Variants in DLGAP2 observed in about 807,000 individuals in gnomAD.
DLGAP2 encodes disks large-associated protein 2.
A neutral mutation model predicts 100.3 loss-of-function variants in DLGAP2; 26 were observed. The observed-to-expected ratio is 0.26, with a 90% CI of 0.19 to 0.36. The LOEUF (loss-of-function observed/expected upper bound fraction) is 0.36. Ranked by LOEUF, DLGAP2 falls within the 10% of genes least tolerant of loss-of-function variation. The probability of loss-of-function intolerance (pLI) is 1.00; values close to 1 mark genes in which losing one functional copy is unlikely to be tolerated. For synonymous variants in DLGAP2, 886 were observed against 630.1 expected (o/e 1.41, Z -6.08); for missense variants, 1,858 against 1,453.2 (o/e 1.28, Z -4.53).
At chr8:1,253,488 G>A (rs967403725) in intron 2 of DLGAP2, among the ~76,000 whole-genome samples, 4 of 152,246 alleles carry the variant, frequency 2.6e-5, no homozygotes, top group African/African-American at 9.6e-5. Flanking sequence ...TAAATGTAGA[G>A]TAGCCTCCAT....
chr8:806,401 G>A (rs930919936), intron 1 of DLGAP2, among the ~76,000 whole-genome samples: 4 of 152,184 alleles, frequency 2.6e-5, no homozygotes, highest in Admixed American at 6.5e-5. Context: ...TGTGAGTGGC[G>A]TGCGCGTCTC....
chr8:1,278,682 A>C (rs1275709255), intron 3 of DLGAP2, among the ~76,000 whole-genome samples: 1 of 152,110 alleles, frequency 6.6e-6, no homozygotes, highest in African/African-American at 2.4e-5. Context: ...CAGTGGTGTG[A>C]CCCTCTTATC....
At chr8:1,008,715 G>T (rs1352528458) in intron 2 of DLGAP2, among the ~76,000 whole-genome samples, 1 of 152,180 alleles carries the variant, frequency 6.6e-6, no homozygotes, top group African/African-American at 2.4e-5. Flanking sequence ...ACATCGCCAT[G>T]CCAGGGCCGG....
intron 1 of DLGAP2, among the ~76,000 whole-genome samples, chr8:773,083 T>C (rs1821409067): frequency 6.6e-6 from 1 of 152,216 alleles, no homozygotes; most frequent in Non-Finnish European, 1.5e-5. Context: ...GCTTGGCTGC[T>C]GTAACCAAGC....
rs568587346 is a variant in DLGAP2 at position 847,518 on chromosome 8, T to TC, written c.19-60393dup. Among the ~76,000 whole-genome samples, 19 of 152,292 alleles carry TC rather than the reference T, an allele frequency of 1.2e-4. No individual in the cohort carries two copies. The South Asian group carries it at 3.9e-3, about 32-fold the overall frequency. On this transcript the variant is annotated intron_variant, in intron 1 of 14. Transcript: ENST00000637795. ...TGTACTTTTTTCTTTTCTTTTTTTT[T>TC]CTTTTTGAGACAAGGTCTCGCTCTG...
intron 3 of DLGAP2, among the ~76,000 whole-genome samples, chr8:1,391,373 C>G (rs146416616): frequency 5.3e-4 from 80 of 152,310 alleles, no homozygotes; most frequent in African/African-American, 1.7e-3. Flanking sequence ...CATTCAGAGG[C>G]CAGATCGGAT....
rs189108925 is a variant in DLGAP2, at chr8:1,305,509, G to C, written c.106+46626G>C. On this transcript the variant is annotated intron_variant, in intron 3 of 14. Coordinates refer to ENST00000637795, the MANE Select transcript of DLGAP2 (RefSeq NM_001346810.2). ...ATACATTTGTGTGTCTTTCTGTTCT[G>C]TCTGGGTGTGGCCTGAAGGACGAAT... 1.5e-3 allele frequency among the ~76,000 whole-genome samples: 233 copies of C among 152,268 alleles called. 1 individual carries two copies. The highest frequency in any genetic ancestry group is 5.4e-3 in the African/African-American group (223 of 41,534).
intron 3 of DLGAP2, among the ~76,000 whole-genome samples, chr8:1,452,730 G>A (rs560472443): frequency 1.2e-4 from 19 of 152,168 alleles, no homozygotes; most frequent in African/African-American, 3.4e-4. Flanking sequence ...CACAGCAGCC[G>A]GGGTCAGGCT....
At chr8:944,511 C>T (rs1317114446) in intron 2 of DLGAP2, among the ~76,000 whole-genome samples, 1 of 150,720 alleles carries the variant, frequency 6.6e-6, no homozygotes, top group Non-Finnish European at 1.5e-5. Flanking sequence ...GGGTGGTAAC[C>T]AGTCCATGTG....
chr8:1,655,173 A>G (rs1234362399), intron 8 of DLGAP2, among the ~76,000 whole-genome samples: 1 of 152,236 alleles, frequency 6.6e-6, no homozygotes, highest in African/African-American at 2.4e-5. Context: ...ACTTCAGGAA[A>G]ACCATTGTGT....
intron 2 of DLGAP2, among the ~76,000 whole-genome samples, chr8:1,157,815 G>A (rs574518118): frequency 1.3e-5 from 2 of 152,308 alleles, no homozygotes; most frequent in African/African-American, 2.4e-5. Flanking sequence ...GGAGGGAGGC[G>A]ATGAGGGCAC....
At chr8:1,578,804 C>T (rs765008934) in intron 6 of DLGAP2, among the ~76,000 whole-genome samples, 6 of 152,194 alleles carry the variant, frequency 3.9e-5, no homozygotes, top group African/African-American at 7.2e-5. Context: ...GAAATCCTGT[C>T]CCACCTGTCT....
At chr8:805,123 A>G (rs542255101) in intron 1 of DLGAP2, among the ~76,000 whole-genome samples, 1 of 152,310 alleles carries the variant, frequency 6.6e-6, no homozygotes, top group African/African-American at 2.4e-5. Context: ...CGTAATGGGA[A>G]TGATTTGCCC....
intron 1 of DLGAP2, among the ~76,000 whole-genome samples, chr8:760,901 A>G (rs1254691880): frequency 3.3e-5 from 5 of 151,912 alleles, no homozygotes; most frequent in African/African-American, 1.2e-4. Flanking sequence ...GGGAGACCCT[A>G]ATTCCCAGAT....
chr8:1,669,088 TTGAG>T (rs1798622504), intron 9 of DLGAP2, among the ~76,000 whole-genome samples: 1 of 152,128 alleles, frequency 6.6e-6, no homozygotes. Context: ...GGCCAAAGAA[TTGAG>T]TGGGGAAACC....
At chr8:905,778 A>G (rs531026955) in intron 1 of DLGAP2, among the ~76,000 whole-genome samples, 9 of 152,256 alleles carry the variant, frequency 5.9e-5, no homozygotes, top group African/African-American at 1.9e-4. Context: ...GCTGTGGCAG[A>G]CCATAGCTTG....
chr8:1,317,587 A>C (rs565503300), intron 3 of DLGAP2, among the ~76,000 whole-genome samples: 2 of 139,758 alleles, frequency 1.4e-5, no homozygotes, highest in African/African-American at 2.9e-5. Flanking sequence ...GCAGCGTTTA[A>C]AAATACAGGC....
In DLGAP2 at chr8:1,117,143, C is replaced by T. The variant is rs1476465816; in HGVS notation, c.74-141708C>T. Among the ~76,000 whole-genome samples the T allele has an allele frequency of 6.9e-5, 6 of 86,614 alleles. 1 individual carries two copies. In the South Asian group the frequency reaches 1.5e-3, roughly 21 times the overall value. The allele number at this position is 86,614 out of a possible 152,430, so 56.8% of individuals were successfully genotyped here. On this transcript the variant is annotated intron_variant, in intron 2 of 14. Transcript: ENST00000637795. ...GAAGAGGTTTTGGAAAACCCAACAC[C>T]GTCTCTTTGACCTGTCTTGGAAAAC... is the stretch of plus-strand genomic sequence containing the variant.
At chr8:1,200,221 G>T (rs1160044289) in intron 2 of DLGAP2, among the ~76,000 whole-genome samples, 1 of 152,300 alleles carries the variant, frequency 6.6e-6, no homozygotes, top group East Asian at 1.9e-4. Context: ...TTCCTCCTGG[G>T]ACAGCTTCGT....
Sources: gnomAD v4.1 joint callset for allele counts (sites outside exome capture counted in the v4.1 genomes callset) on GRCh38, gnomAD v4.1.1 for gene constraint, MANE v1.5 for transcripts, NCBI Gene and HGNC (gene_info 2026-07-23, HGNC 2026-07-21) for gene names.